PDZRN4: variants seen among roughly 807,000 people sequenced by gnomAD.
PDZRN4 encodes PDZ domain-containing RING finger protein 4.
In PDZRN4, 70 loss-of-function variants were observed where a neutral mutation model predicts 99.0. That is an observed-to-expected ratio of 0.71 (90% CI 0.58 to 0.86). PDZRN4 has a LOEUF of 0.86. PDZRN4 is among the 40% of genes least tolerant of loss of function. The pLI is 0.00. For synonymous variants in PDZRN4, 551 were observed against 501.6 expected (o/e 1.10, Z -1.32); for missense variants, 1,474 against 1,331.2 (o/e 1.11, Z -1.67).
intron 3 of PDZRN4, among the ~76,000 whole-genome samples, chr12:41,466,391 G>A (rs774609906): frequency 5.9e-5 from 9 of 152,178 alleles, no homozygotes; most frequent in Admixed American, 1.3e-4. Flanking sequence ...ATTACAGGAG[G>A]ATTAATCTCT....
At chr12:41,530,121 A>T (rs562162257) in intron 5 of PDZRN4, among the ~76,000 whole-genome samples, 4 of 152,326 alleles carry the variant, frequency 2.6e-5, no homozygotes, top group African/African-American at 9.6e-5. Flanking sequence ...CAATACTCTG[A>T]GTGATAAATA....
intron 3 of PDZRN4, among the ~76,000 whole-genome samples, chr12:41,425,853 C>A (rs1301839198): frequency 2.0e-5 from 3 of 152,060 alleles, no homozygotes; most frequent in Admixed American, 6.6e-5. Context: ...CCATAATGTA[C>A]AACTTATCAA....
chr12:41,282,895 G>A (rs1255421846), intron 3 of PDZRN4, among the ~76,000 whole-genome samples: 1 of 152,170 alleles, frequency 6.6e-6, no homozygotes, highest in Non-Finnish European at 1.5e-5. Flanking sequence ...GAAATTTATA[G>A]CACTAAATGC....
At chr12:41,563,886 A>G (rs1003086969) in intron 8 of PDZRN4, among the ~76,000 whole-genome samples, 6 of 152,224 alleles carry the variant, frequency 3.9e-5, no homozygotes, top group Admixed American at 3.3e-4. Flanking sequence ...TAATTTATCA[A>G]AAGTATTACA....
intron 3 of PDZRN4, among the ~76,000 whole-genome samples, chr12:41,249,182 T>A (rs1235696480): frequency 6.6e-6 from 1 of 152,168 alleles, no homozygotes; most frequent in African/African-American, 2.4e-5. Flanking sequence ...TAAGACTCAA[T>A]GTCTAAACAT....
chr12:41,381,425 T>G (rs1018426511), intron 3 of PDZRN4, among the ~76,000 whole-genome samples: 2 of 152,088 alleles, frequency 1.3e-5, no homozygotes, highest in Non-Finnish European at 2.9e-5. Flanking sequence ...CTTCTTTTTG[T>G]TATTCTTTCT....
chr12:41,456,511 G>T (rs1303247477), intron 3 of PDZRN4, among the ~76,000 whole-genome samples: 1 of 152,052 alleles, frequency 6.6e-6, no homozygotes, highest in East Asian at 1.9e-4. Flanking sequence ...GACATAACCA[G>T]GTCCTTTCTA....
intron 3 of PDZRN4, among the ~76,000 whole-genome samples, chr12:41,225,008 TAAAG>T (rs1470667579): frequency 6.6e-6 from 1 of 152,098 alleles, no homozygotes; most frequent in African/African-American, 2.4e-5. Context: ...ATAGAATACT[TAAAG>T]AAAAATAGGA....
At chr12:41,314,856 A>G (rs1194393662) in intron 3 of PDZRN4, among the ~76,000 whole-genome samples, 3 of 151,644 alleles carry the variant, frequency 2.0e-5, no homozygotes, top group Admixed American at 2.0e-4. Context: ...CCTATGGTAC[A>G]TGTCCATTGT....
At chr12:41,567,740 T>C (rs1452339549) in intron 8 of PDZRN4, 43 bp from the exon 9 acceptor site, 3 of 1,286,990 alleles carry the variant, frequency 2.3e-6, no homozygotes, top group Non-Finnish European at 3.3e-6. Flanking sequence ...TTAACATGAG[T>C]TCTCACTAAC....
intron 3 of PDZRN4, among the ~76,000 whole-genome samples, chr12:41,227,876 TACAC>T (rs138441771): frequency 0.077 from 7,240 of 94,124 alleles, 316 homozygotes; most frequent in African/African-American, 0.16. Context: ...AGCAAAAATC[TACAC>T]ACACACACAC....
chr12:41,380,902 G>T (rs1952120267), intron 3 of PDZRN4, among the ~76,000 whole-genome samples: 1 of 152,022 alleles, frequency 6.6e-6, no homozygotes, highest in African/African-American at 2.4e-5. Context: ...TTCTTGTAAG[G>T]CAATTCTAGT....
At chr12:41,345,287 A>C (rs1490038035) in intron 3 of PDZRN4, among the ~76,000 whole-genome samples, 2 of 152,076 alleles carry the variant, frequency 1.3e-5, no homozygotes, top group Non-Finnish European at 2.9e-5. Context: ...TTTGTTACTG[A>C]ATATTAGACA....
chr12:41,533,523 C>T (rs1206665587), intron 5 of PDZRN4, among the ~76,000 whole-genome samples: 1 of 152,162 alleles, frequency 6.6e-6, no homozygotes, highest in African/African-American at 2.4e-5. Context: ...TATTGTGATG[C>T]TGTTTGTCCA....
At chr12:41,465,587 A>T (rs1952916956) in intron 3 of PDZRN4, among the ~76,000 whole-genome samples, 1 of 152,216 alleles carries the variant, frequency 6.6e-6, no homozygotes, top group South Asian at 2.1e-4. Flanking sequence ...CATCATTTAT[A>T]GTCTCTTTGG....
chr12:41,238,853 C>T (rs1004819183), intron 3 of PDZRN4, among the ~76,000 whole-genome samples: 2 of 152,136 alleles, frequency 1.3e-5, no homozygotes, highest in African/African-American at 4.8e-5. Flanking sequence ...AATGCTTTTA[C>T]ACTGTTGGCG....
chr12:41,238,705 TATTAAAA>T (rs1951083716), intron 3 of PDZRN4, among the ~76,000 whole-genome samples: 1 of 81,056 alleles, frequency 1.2e-5, no homozygotes. Context: ...GAATGGCTAT[TATTAAAA>T]AATAAAAAAT....
chr12:41,335,573 T>C (rs1030640362), intron 3 of PDZRN4, among the ~76,000 whole-genome samples: 1 of 152,130 alleles, frequency 6.6e-6, no homozygotes, highest in South Asian at 2.1e-4. Flanking sequence ...TATTAAGATA[T>C]GCAAACACTC....
At chr12:41,417,769 G>T (rs575787888) in intron 3 of PDZRN4, among the ~76,000 whole-genome samples, 1 of 152,218 alleles carries the variant, frequency 6.6e-6, no homozygotes, top group African/African-American at 2.4e-5. Flanking sequence ...GACCAGAAGT[G>T]CATGAGAATG....
Sources: gnomAD v4.1 joint callset for allele counts (sites outside exome capture counted in the v4.1 genomes callset) on GRCh38, gnomAD v4.1.1 for gene constraint, MANE v1.5 for transcripts, NCBI Gene and HGNC (gene_info 2026-07-23, HGNC 2026-07-21) for gene names.